Variants in ACBD6 observed in about 807,000 individuals in gnomAD.
ACBD6 encodes the protein acyl-CoA-binding domain-containing protein 6.
ACBD6 carries 28 observed loss-of-function variants against 37.2 expected under a neutral mutation model. That is an observed-to-expected ratio of 0.75 (90% CI 0.56 to 1.03). The LOEUF (loss-of-function observed/expected upper bound fraction) is 1.03, where lower values mean the gene tolerates loss of function less well. ACBD6 is among the 50% of genes least tolerant of loss of function. The pLI is 0.00. For synonymous variants in ACBD6, 113 were observed against 126.8 expected (o/e 0.89, Z 0.73); for missense variants, 340 against 337.4 (o/e 1.01, Z -0.06).
chr1:180,471,480 T>C (rs1200914546), intron 3 of ACBD6, among the ~76,000 whole-genome samples: 1 of 13,054 alleles, frequency 7.7e-5, no homozygotes, highest in Admixed American at 9.5e-4. Context: ...GATAAAAACA[T>C]ACCTGACTGG....
chr1:180,349,727 A>C (rs1368484988), intron 6 of ACBD6, among the ~76,000 whole-genome samples: 1 of 152,050 alleles, frequency 6.6e-6, no homozygotes, highest in Non-Finnish European at 1.5e-5. Context: ...CTTTCTCTTT[A>C]ATATTGTTTT....
At chr1:180,419,064 A>C (rs1320639023) in intron 4 of ACBD6, among the ~76,000 whole-genome samples, 1 of 152,236 alleles carries the variant, frequency 6.6e-6, no homozygotes, top group Non-Finnish European at 1.5e-5. Context: ...ATCCTCGCTA[A>C]CACGGTGAAA....
At chr1:180,451,142 C>T (rs534104534) in intron 3 of ACBD6, among the ~76,000 whole-genome samples, 2 of 152,168 alleles carry the variant, frequency 1.3e-5, no homozygotes, top group South Asian at 2.1e-4. Flanking sequence ...CCAATGTGTA[C>T]ATTAAAAGGT....
chr1:180,501,948 T>A, intron 1 of ACBD6, 97 bp downstream of exon 1: 1 of 1,182,196 alleles, frequency 8.5e-7, no homozygotes, highest in Non-Finnish European at 1.2e-6. Context: ...ACAAGCTTCA[T>A]TACACCTAGC....
chr1:180,457,829 G>T (rs1486424280), intron 3 of ACBD6, among the ~76,000 whole-genome samples: 2 of 133,122 alleles, frequency 1.5e-5, no homozygotes, highest in Non-Finnish European at 1.6e-5. Context: ...TTTCGCTCTT[G>T]TCGCCCAGCC....
At chr1:180,439,881 G>C (rs1649209871) in intron 3 of ACBD6, among the ~76,000 whole-genome samples, 1 of 152,084 alleles carries the variant, frequency 6.6e-6, no homozygotes. Flanking sequence ...ACATGTTGAG[G>C]CTGAAACTGG....
At chr1:180,328,101 A>T (rs1251797664) in intron 6 of ACBD6, among the ~76,000 whole-genome samples, 1 of 152,140 alleles carries the variant, frequency 6.6e-6, no homozygotes, top group Non-Finnish European at 1.5e-5. Flanking sequence ...TCTCTTTAAC[A>T]CTAAGCCACT....
intron 3 of ACBD6, among the ~76,000 whole-genome samples, chr1:180,464,681 T>A (rs1202257454): frequency 6.6e-6 from 1 of 151,924 alleles, no homozygotes; most frequent in Non-Finnish European, 1.5e-5. Flanking sequence ...ACTAAAAAAA[T>A]TATTTTAAAT....
intron 3 of ACBD6, among the ~76,000 whole-genome samples, chr1:180,463,345 A>G (rs573620851): frequency 2.0e-5 from 3 of 152,252 alleles, no homozygotes; most frequent in Admixed American, 2.0e-4. Context: ...AAAAAGATTC[A>G]AATAAACACA....
chr1:180,388,653 C>A (rs1326123631), intron 6 of ACBD6, among the ~76,000 whole-genome samples: 1 of 151,862 alleles, frequency 6.6e-6, no homozygotes, highest in Non-Finnish European at 1.5e-5. Flanking sequence ...GTTGCCCAGG[C>A]CAGTCTCAAA....
At chr1:180,379,374 C>G (rs1424166876) in intron 6 of ACBD6, among the ~76,000 whole-genome samples, 2 of 152,094 alleles carry the variant, frequency 1.3e-5, no homozygotes, top group Admixed American at 6.5e-5. Flanking sequence ...TCCAAAGGAA[C>G]ATAATAATTC....
intron 2 of ACBD6, among the ~76,000 whole-genome samples, chr1:180,493,693 T>C (rs978721523): frequency 1.1e-4 from 16 of 152,200 alleles, no homozygotes; most frequent in African/African-American, 3.9e-4. Flanking sequence ...ATAGAGGCTA[T>C]ACATTCAGAT....
At chr1:180,482,086 G>A (rs1289526961) in intron 3 of ACBD6, among the ~76,000 whole-genome samples, 1 of 151,886 alleles carries the variant, frequency 6.6e-6, no homozygotes, top group African/African-American at 2.4e-5. Context: ...TGAATAACAA[G>A]AAAAAAGTCA....
At chr1:180,271,811 A>G in exon 14 of ACBD6, 1 of 1,613,494 alleles carries the variant, frequency 6.2e-7, no homozygotes. Context: ...CCCCCTGAGT[A>G]TGTCCCTTGT....
chr1:180,422,580 G>T (rs761510508), intron 4 of ACBD6, among the ~76,000 whole-genome samples: 5 of 152,114 alleles, frequency 3.3e-5, no homozygotes, highest in Non-Finnish European at 7.4e-5. Context: ...AACCACAGCT[G>T]CAGACCTCAA....
At chr1:180,443,351 C>T (rs183983679) in intron 3 of ACBD6, among the ~76,000 whole-genome samples, 1 of 152,266 alleles carries the variant, frequency 6.6e-6, no homozygotes, top group East Asian at 1.9e-4. Context: ...AGAAATTGGC[C>T]TACTGCTTTC....
At chr1:180,500,694 C>CAA (rs370791531) in intron 1 of ACBD6, among the ~76,000 whole-genome samples, 36 of 94,940 alleles carry the variant, frequency 3.8e-4, no homozygotes, top group African/African-American at 1.1e-3. Flanking sequence ...AACTCCATCT[C>CAA]AAAAAAAAAA....
At chr1:180,346,592 G>T (rs1050454443) in intron 6 of ACBD6, among the ~76,000 whole-genome samples, 1 of 152,140 alleles carries the variant, frequency 6.6e-6, no homozygotes, top group African/African-American at 2.4e-5. Flanking sequence ...TAACTAAGAG[G>T]ACTGCAAACT....
At chr1:180,413,541 CTGTT>C in intron 4 of ACBD6, 70 bp from the exon 5 acceptor site, 1 of 1,189,242 alleles carries the variant, frequency 8.4e-7, no homozygotes, top group Non-Finnish European at 1.2e-6. Context: ...TCAACACAAT[CTGTT>C]TGCTGCTGAC....
Sources: gnomAD v4.1 joint callset for allele counts (sites outside exome capture counted in the v4.1 genomes callset) on GRCh38, gnomAD v4.1.1 for gene constraint, MANE v1.5 for transcripts, NCBI Gene and HGNC (gene_info 2026-07-23, HGNC 2026-07-21) for gene names.